KLF12: variants seen among roughly 807,000 people sequenced by gnomAD.
KLF12 encodes the protein KLF transcription factor 12.
Under a neutral mutation model 37.8 loss-of-function variants are expected in KLF12, and 9 were observed. The ratio of observed to expected loss-of-function variants is 0.24; its 90% CI spans 0.14 to 0.42. The LOEUF (loss-of-function observed/expected upper bound fraction) is 0.42. Among genes scored for constraint, KLF12 ranks in the 10% least tolerant of loss-of-function variants. The probability of loss-of-function intolerance (pLI) is 1.00; values close to 1 mark genes in which losing one functional copy is unlikely to be tolerated. For synonymous variants in KLF12, 208 were observed against 202.1 expected, an observed-to-expected ratio of 1.03 and a Z score of -0.25; for missense variants, 411 against 516.0, an observed-to-expected ratio of 0.80 and a Z score of 1.97.
At chr13:73,732,348 C>A (rs141304963) in intron 6 of KLF12, among the ~76,000 whole-genome samples, 4 of 152,130 alleles carry the variant, frequency 2.6e-5, no homozygotes, top group Non-Finnish European at 4.4e-5. Flanking sequence ...CCTCGGCCCC[C>A]CAAAGTGCTG....
At chr13:73,711,788 A>G (rs1466386186) in intron 7 of KLF12, among the ~76,000 whole-genome samples, 1 of 152,182 alleles carries the variant, frequency 6.6e-6, no homozygotes, top group Non-Finnish European at 1.5e-5. Context: ...ATCATTTAAG[A>G]AATACATTTC....
the KLF12 span, among the ~76,000 whole-genome samples, chr13:74,197,959 G>A: frequency 6.6e-6 from 1 of 151,962 alleles, no homozygotes; most frequent in East Asian, 1.9e-4. Context: ...ACAGAGTTGA[G>A]CCTTTTAGGG....
intron 3 of KLF12, among the ~76,000 whole-genome samples, chr13:73,849,370 C>A (rs1301570249): frequency 4.7e-5 from 4 of 84,274 alleles, no homozygotes; most frequent in Non-Finnish European, 4.4e-5. Flanking sequence ...CAGAGGGAGA[C>A]TCCATAAAAA....
the KLF12 span, among the ~76,000 whole-genome samples, chr13:74,185,936 G>A: frequency 0.022 from 3,384 of 152,206 alleles, 126 homozygotes; most frequent in African/African-American, 0.074. Context: ...CAGCCACTGC[G>A]ACCGGCCAAG....
intron 4 of KLF12, among the ~76,000 whole-genome samples, chr13:73,842,563 G>A (rs1032562746): frequency 3.3e-5 from 5 of 152,156 alleles, no homozygotes; most frequent in Non-Finnish European, 5.9e-5. Context: ...ACGGATATGC[G>A]CATTCACAGT....
the KLF12 span, among the ~76,000 whole-genome samples, chr13:74,268,602 T>C: frequency 6.6e-6 from 1 of 152,200 alleles, no homozygotes; most frequent in African/African-American, 2.4e-5. Flanking sequence ...TTAGGAGTTC[T>C]CCTTATGAGA....
intron 5 of KLF12, among the ~76,000 whole-genome samples, chr13:73,774,666 T>C (rs1041529556): frequency 6.6e-6 from 1 of 152,196 alleles, no homozygotes; most frequent in East Asian, 1.9e-4. Flanking sequence ...ATGTGAATTC[T>C]CTATAATAAT....
At chr13:73,847,653 C>A (rs2138699022) in intron 3 of KLF12, among the ~76,000 whole-genome samples, 1 of 152,138 alleles carries the variant, frequency 6.6e-6, no homozygotes, top group South Asian at 2.1e-4. Context: ...TGCTGTTTTT[C>A]CTTTTTCTTA....
intron 1 of KLF12, among the ~76,000 whole-genome samples, chr13:74,043,940 AC>A (rs1893475078): frequency 1.3e-5 from 2 of 152,366 alleles, no homozygotes; most frequent in South Asian, 4.1e-4. Flanking sequence ...CCAACAATAT[AC>A]AATATTCTTT....
chr13:74,254,353 A>G, the KLF12 span, among the ~76,000 whole-genome samples: 1 of 152,214 alleles, frequency 6.6e-6, no homozygotes, highest in Non-Finnish European at 1.5e-5. Context: ...GATATCTCTT[A>G]TGCTTTTACA....
chr13:73,744,363 A>T (rs1878217943), intron 6 of KLF12, among the ~76,000 whole-genome samples: 1 of 152,160 alleles, frequency 6.6e-6, no homozygotes, highest in Non-Finnish European at 1.5e-5. Flanking sequence ...GAATGTCGCA[A>T]GGGTTGGTTG....
Position 73,832,672 on chromosome 13 carries a change from T to C in KLF12, c.670+13155A>G, listed in dbSNP as rs371776815. Among the ~76,000 whole-genome samples the C allele has an allele frequency of 9.2e-5, 14 of 152,360 alleles. No homozygotes were observed. In the East Asian group the frequency reaches 1.5e-3, roughly 17 times the overall value. ...GAAAACCAAATCTTTGTTTTATGGATGCAACAAATGGGCCCACCATGCTAA... is the reference window on the plus strand; with the variant it reads ...GAAAACCAAATCTTTGTTTTATGGACGCAACAAATGGGCCCACCATGCTAA... On this transcript the variant is annotated intron_variant, in intron 4 of 7. Coordinates refer to ENST00000377669, the MANE Select transcript of KLF12 (RefSeq NM_007249.5).
chr13:73,783,389 T>C (rs146631520), intron 5 of KLF12, among the ~76,000 whole-genome samples: 46 of 152,080 alleles, frequency 3.0e-4, no homozygotes, highest in African/African-American at 1.1e-3. Flanking sequence ...ATAAACTAAA[T>C]AGAATAAGTT....
At chr13:74,202,256 C>G in the KLF12 span, among the ~76,000 whole-genome samples, 1 of 152,094 alleles carries the variant, frequency 6.6e-6, no homozygotes, top group African/African-American at 2.4e-5. Context: ...ATTTTACTTG[C>G]ATTTTCTATT....
At chr13:73,827,782 C>T (rs1883932611) in intron 4 of KLF12, among the ~76,000 whole-genome samples, 1 of 152,134 alleles carries the variant, frequency 6.6e-6, no homozygotes, top group Non-Finnish European at 1.5e-5. Context: ...AGGCTGGTCT[C>T]AAATTCCTGA....
At chr13:74,100,855 C>A (rs1466822375) in intron 1 of KLF12, among the ~76,000 whole-genome samples, 1 of 152,106 alleles carries the variant, frequency 6.6e-6, no homozygotes, top group African/African-American at 2.4e-5. Context: ...CAAAGTCCGA[C>A]CTTCCCTTGT....
intron 7 of KLF12, among the ~76,000 whole-genome samples, chr13:73,699,324 A>G (rs1874379031): frequency 6.6e-6 from 1 of 152,136 alleles, no homozygotes; most frequent in African/African-American, 2.4e-5. Flanking sequence ...CTTCTGGTCT[A>G]CAGATGTGCT....
At chr13:73,698,110 T>C (rs1874277145) in intron 7 of KLF12, among the ~76,000 whole-genome samples, 1 of 151,342 alleles carries the variant, frequency 6.6e-6, no homozygotes. Context: ...TGAGCTATGA[T>C]TGTGTTACTG....
intron 5 of KLF12, among the ~76,000 whole-genome samples, chr13:73,792,724 T>A (rs1276409345): frequency 6.6e-6 from 1 of 152,198 alleles, no homozygotes; most frequent in Non-Finnish European, 1.5e-5. Context: ...AATGTACGTG[T>A]CATGCCTTAA....
Sources: allele counts gnomAD v4.1 joint callset (sites outside exome capture counted in the v4.1 genomes callset), GRCh38; gene constraint gnomAD v4.1.1; transcripts MANE v1.5; gene names NCBI Gene and HGNC (gene_info 2026-07-23, HGNC 2026-07-21).